The following HPSE2 variants were observed in gnomAD, a reference collection of about 807,000 sequenced individuals.
HPSE2 encodes heparanase 2 (inactive).
Under a neutral mutation model 60.5 loss-of-function variants are expected in HPSE2, and 38 were observed. The ratio of observed to expected loss-of-function variants is 0.63; its 90% confidence interval spans 0.48 to 0.82. The LOEUF is 0.82. Among genes scored for constraint, HPSE2 ranks in the 40% least tolerant of loss-of-function variants. The probability of loss-of-function intolerance (pLI) is 0.00; values close to 1 mark genes in which losing one functional copy is unlikely to be tolerated. For synonymous variants in HPSE2, 295 were observed against 293.2 expected, an observed-to-expected ratio of 1.01 and a Z score of -0.06; for missense variants, 713 against 740.4, an observed-to-expected ratio of 0.96 and a Z score of 0.43.
the HPSE2 span, among the ~76,000 whole-genome samples, chr10:99,302,873 G>A: frequency 1.3e-5 from 2 of 150,858 alleles, no homozygotes; most frequent in South Asian, 2.1e-4. Flanking sequence ...CATACCCTGG[G>A]GAGGACTGGC....
At chr10:99,045,197 C>T (rs1957827853) in intron 3 of HPSE2, among the ~76,000 whole-genome samples, 2 of 151,984 alleles carry the variant, frequency 1.3e-5, no homozygotes, top group Middle Eastern at 3.4e-3. Context: ...AAACAAAAAC[C>T]AAAGATATCT....
chr10:98,834,499 A>G (rs903263359), intron 3 of HPSE2, among the ~76,000 whole-genome samples: 11 of 152,170 alleles, frequency 7.2e-5, no homozygotes, highest in African/African-American at 2.4e-4. Context: ...ATAGAATATC[A>G]CCATTTTGCA....
intron 3 of HPSE2, among the ~76,000 whole-genome samples, chr10:98,906,139 T>C (rs542007960): frequency 2.6e-5 from 4 of 152,226 alleles, no homozygotes; most frequent in African/African-American, 9.6e-5. Context: ...TCAGGCTCAC[T>C]GAGTCCTTGT....
At chr10:98,725,867 C>T (rs1413756836) in intron 4 of HPSE2, among the ~76,000 whole-genome samples, 2 of 152,002 alleles carry the variant, frequency 1.3e-5, no homozygotes, top group Non-Finnish European at 2.9e-5. Flanking sequence ...TTTATGCAGC[C>T]AAAAAACACA....
chr10:98,536,089 G>A (rs1297699815), intron 9 of HPSE2, among the ~76,000 whole-genome samples: 1 of 152,196 alleles, frequency 6.6e-6, no homozygotes, highest in Non-Finnish European at 1.5e-5. Context: ...TCCAGAGCTG[G>A]TCTGGGGCTA....
the HPSE2 span, among the ~76,000 whole-genome samples, chr10:99,305,168 T>C: frequency 6.6e-6 from 1 of 152,102 alleles, no homozygotes; most frequent in Non-Finnish European, 1.5e-5. Flanking sequence ...TGTACAGTTG[T>C]ACCAAAATTG....
chr10:99,150,557 A>C (rs1236447105), intron 2 of HPSE2, among the ~76,000 whole-genome samples: 2 of 152,086 alleles, frequency 1.3e-5, no homozygotes, highest in Admixed American at 1.3e-4. Context: ...CTTGTCTCAA[A>C]CAATCCTCCC....
intron 7 of HPSE2, among the ~76,000 whole-genome samples, chr10:98,627,015 C>T (rs2095595): frequency 0.57 from 87,238 of 152,020 alleles, 29,040 homozygotes; most frequent in South Asian, 0.76. Context: ...CGTCGTGATC[C>T]GCCCACCTCA....
At chr10:98,824,406 T>C (rs1361759898) in intron 3 of HPSE2, among the ~76,000 whole-genome samples, 2 of 152,210 alleles carry the variant, frequency 1.3e-5, no homozygotes, top group Non-Finnish European at 2.9e-5. Flanking sequence ...ATGTTTTAAT[T>C]CACTAAAATG....
chr10:99,119,313 G>A (rs2135706504), intron 3 of HPSE2, among the ~76,000 whole-genome samples: 1 of 152,206 alleles, frequency 6.6e-6, no homozygotes, highest in Non-Finnish European at 1.5e-5. Flanking sequence ...CAACCTGAGG[G>A]CTAAATCAGG....
At chr10:98,749,893 T>C (rs949105842) in intron 3 of HPSE2, among the ~76,000 whole-genome samples, 63 of 146,664 alleles carry the variant, frequency 4.3e-4, no homozygotes, top group African/African-American at 1.6e-3. Context: ...AGCATCTGCA[T>C]GTGTAATTTA....
intron 3 of HPSE2, among the ~76,000 whole-genome samples, chr10:99,000,082 G>T (rs1198743290): frequency 6.6e-6 from 1 of 152,152 alleles, no homozygotes; most frequent in South Asian, 2.1e-4. Context: ...ACACTAATTA[G>T]TAAGTGTAAC....
intron 2 of HPSE2, among the ~76,000 whole-genome samples, chr10:99,159,572 T>G (rs1313400806): frequency 2.0e-5 from 3 of 152,222 alleles, no homozygotes; most frequent in Non-Finnish European, 4.4e-5. Flanking sequence ...GTACAACTTC[T>G]GCAAGTTTTT....
the HPSE2 span, among the ~76,000 whole-genome samples, chr10:99,307,071 A>G: frequency 1.3e-5 from 2 of 152,086 alleles, no homozygotes; most frequent in Admixed American, 1.3e-4. Context: ...ATATACTTTA[A>G]GTTGCTGCCT....
chr10:99,186,593 A>T (rs1045244745), intron 2 of HPSE2, among the ~76,000 whole-genome samples: 2 of 150,204 alleles, frequency 1.3e-5, no homozygotes, highest in Non-Finnish European at 3.0e-5. Flanking sequence ...CAGACTTGTC[A>T]TCAGAAACTA....
At chr10:99,166,855 A>G (rs1847100350) in intron 2 of HPSE2, among the ~76,000 whole-genome samples, 1 of 152,020 alleles carries the variant, frequency 6.6e-6, no homozygotes, top group Admixed American at 6.6e-5. Flanking sequence ...TCAAAGAAAA[A>G]AAAAAAAAAA....
intron 9 of HPSE2, among the ~76,000 whole-genome samples, chr10:98,498,598 A>AC (rs1941929776): frequency 2.0e-5 from 3 of 151,846 alleles, no homozygotes; most frequent in African/African-American, 7.3e-5. Context: ...GCCCTTTAAC[A>AC]CCCCCAAAAA....
At chr10:99,281,654 C>A in the HPSE2 span, among the ~76,000 whole-genome samples, 2 of 152,196 alleles carry the variant, frequency 1.3e-5, no homozygotes, top group Admixed American at 1.3e-4. Context: ...CCTTTATCTT[C>A]CCTTTATCAT....
intron 2 of HPSE2, among the ~76,000 whole-genome samples, chr10:99,186,508 A>C (rs917648615): frequency 8.2e-6 from 1 of 122,050 alleles, no homozygotes; most frequent in Non-Finnish European, 1.6e-5. Flanking sequence ...ACGCCAGTGT[A>C]CTCCAGCCTA....
Sources: allele counts gnomAD v4.1 joint callset (sites outside exome capture counted in the v4.1 genomes callset), GRCh38; gene constraint gnomAD v4.1.1; transcripts MANE v1.5; gene names NCBI Gene and HGNC (gene_info 2026-07-23, HGNC 2026-07-21).